The following REELD1 variants were observed in gnomAD, a reference collection of about 807,000 sequenced individuals.
The protein encoded by REELD1 is reeler domain containing 1.
REELD1 carries 12 observed loss-of-function variants against 6.3 expected under a neutral mutation model. The observed-to-expected ratio is 1.89, with a 90% CI of 1.21 to 3.07. REELD1 has a LOEUF of 3.07. Among genes scored for constraint, REELD1 ranks in the 30% most tolerant of loss-of-function variants. REELD1 has a pLI of 0.00. For missense variants in REELD1, 163 were observed against 86.8 expected, an observed-to-expected ratio of 1.88 and a Z score of -3.49; for synonymous variants, 57 against 33.6, an observed-to-expected ratio of 1.70 and a Z score of -2.42.
chr4:146,229,050 T>C lies in REELD1; in HGVS notation c.934T>C (p.Ser312Pro). ...AACTCAGGATGATCCCAGCTTTGATTCACTGGAAACTTGCCTGTCCTCAGA... is the reference window on the plus strand; with the variant it reads ...AACTCAGGATGATCCCAGCTTTGATCCACTGGAAACTTGCCTGTCCTCAGA... ...HRTQDDPSFD[S>P]LETCLSSDGG... Residue 312 changes from serine to proline, a missense_variant, in exon 7 of 8, where the codon TCA becomes CCA. Physicochemically the swap from Ser to Pro is moderately conservative, Grantham distance 74 (BLOSUM62 -1). Transcript: ENST00000623665. 1 of 702,370 alleles carries C rather than the reference T, an allele frequency of 1.4e-6. No homozygotes were observed. The highest frequency in any genetic ancestry group is 1.5e-5 in the South Asian group (1 of 67,552). The allele number at this position is 702,370 out of a possible 1,614,324, so 43.5% of individuals were successfully genotyped here.
intron 6 of REELD1, 45 bp downstream of exon 6, chr4:146,228,567 G>T: frequency 1.5e-6 from 1 of 665,972 alleles, no homozygotes; most frequent in East Asian, 2.7e-5. Context: ...ATGGGACTAG[G>T]ATGAACACTG....
chr4:146,216,285 T>C (rs991342675), intron 2 of REELD1, among the ~76,000 whole-genome samples: 1 of 152,350 alleles, frequency 6.6e-6, no homozygotes, highest in South Asian at 2.1e-4. Context: ...TTGTTATCAG[T>C]ATGTTTAAGA....
rs1731064858 is a variant in REELD1, at chr4:146,228,408, G to A, written c.794G>A (p.Gly265Glu). The change falls in exon 6 of 8, where the codon GGG (glycine) becomes GAG (glutamate). Residue 265 changes from glycine (G) to glutamate (E), a missense_variant. By Grantham distance (98) the Gly-to-Glu change is moderately conservative (BLOSUM62 -2). Coordinates refer to ENST00000623665, the MANE Select transcript of REELD1 (RefSeq NM_001354631.1). The stretch of plus-strand genomic sequence containing the variant: ...GGCAGCATCAACCAGCAACCCAGCG[G>A]GGACAGCAATCCCACCCTAGAGCCG... ...TEGSINQQPS[G>E]DSNPTLEPSL... The A allele has an allele frequency of 4.3e-6, 3 of 702,442 alleles. No individual in the cohort carries two copies. Among genetic ancestry groups the A allele is most frequent in the Non-Finnish European group, 7.8e-6 (3 of 385,008 alleles). 43.5% of individuals were successfully genotyped at this position (702,442 alleles called of 1,614,324 possible).
chr4:146,221,598 C>T (rs971738301), intron 3 of REELD1, among the ~76,000 whole-genome samples: 8 of 152,202 alleles, frequency 5.3e-5, no homozygotes, highest in Non-Finnish European at 1.0e-4. Flanking sequence ...CGGTGGCTCA[C>T]GCCTGTAATA....
chr4:146,225,345 A>C (rs558861300), intron 5 of REELD1, among the ~76,000 whole-genome samples: 3 of 152,194 alleles, frequency 2.0e-5, no homozygotes, highest in African/African-American at 4.8e-5. Context: ...CATGCACACA[A>C]GACCCTACCC....
chr4:146,225,629 C>T (rs1453786886), intron 5 of REELD1, among the ~76,000 whole-genome samples: 1 of 151,964 alleles, frequency 6.6e-6, no homozygotes, highest in Non-Finnish European at 1.5e-5. Flanking sequence ...GACCCTGCAC[C>T]CCTGACATAT....
In REELD1 at chr4:146,228,434, TC is replaced by T. The variant is rs1731066418; in HGVS notation, c.823del (p.Leu275TrpfsTer60). On this transcript the variant is annotated frameshift_variant, in exon 6 of 8. Transcript: ENST00000623665. LOFTEE classifies it high-confidence loss of function. Reference protein sequence around the residue: ...SGDSNPTLEPSLEVHRLERLV... With the variant: ...SGDSNPTLEPXLEVHRLERLV... Reference sequence around the variant, plus strand: ...GGACAGCAATCCCACCCTAGAGCCGTCCCTGGAGGTCCACAGGCTGGAGAGG... The same window carrying T: ...GGACAGCAATCCCACCCTAGAGCCGTCCTGGAGGTCCACAGGCTGGAGAGG... 3 of 702,318 alleles carry T rather than the reference TC, an allele frequency of 4.3e-6. No individual in the cohort carries two copies. 43.5% of individuals were successfully genotyped at this position (702,318 alleles called of 1,614,324 possible).
At position 146,216,965 on chromosome 4, in the gene REELD1, G is replaced by T; in HGVS notation, c.13G>T (p.Ala5Ser). 1 of 398,618 alleles carries T rather than the reference G, an allele frequency of 2.5e-6. No homozygotes were observed. Among genetic ancestry groups the T allele is most frequent in the Non-Finnish European group, 4.4e-6 (1 of 226,090 alleles). The allele number at this position is 398,618 out of a possible 1,614,324, so 24.7% of individuals were successfully genotyped here. The stretch of plus-strand genomic sequence containing the variant: ...AGGAGAGGGCAGGATGAGGATGCAG[G>T]CTGCCCTCGTGGGCTGGGCTTGTAC... MRMQ[A>S]ALVGWACTTL... The change falls in exon 3 of 8, where the codon GCT becomes TCT. Residue 5 changes from alanine to serine, a missense_variant. Ala to Ser is a moderately conservative substitution (Grantham distance 99). Transcript: ENST00000623665.
chr4:146,220,311 C>A (rs1031027790), intron 3 of REELD1, among the ~76,000 whole-genome samples: 5 of 152,138 alleles, frequency 3.3e-5, no homozygotes, highest in African/African-American at 1.2e-4. Flanking sequence ...ATTGATTTAA[C>A]CAGTTTCTTA....
chr4:146,219,865 CT>C (rs1042400020), intron 3 of REELD1, among the ~76,000 whole-genome samples: 1 of 152,042 alleles, frequency 6.6e-6, no homozygotes, highest in Non-Finnish European at 1.5e-5. Context: ...AATTAAATGT[CT>C]GTTTAATGTT....
Position 146,222,451 on chromosome 4 carries a change from T to A in REELD1, c.303T>A (p.Pro101=). ...TCGCTGGCACTTTCGTTCTCATTCCTCCTCATTCCAAACTGATGACTTGTT... is the reference window on the plus strand; with the variant it reads ...TCGCTGGCACTTTCGTTCTCATTCCACCTCATTCCAAACTGATGACTTGTT... The part of the protein sequence containing the change: ...HQIAGTFVLI[P]PHSKLMTCFQ... The change falls in exon 4 of 8, where the codon CCT becomes CCA. Residue 101 remains proline (P), a synonymous_variant. Coordinates refer to ENST00000623665, the MANE Select transcript of REELD1 (RefSeq NM_001354631.1). 1 of 398,618 alleles carries A rather than the reference T, an allele frequency of 2.5e-6. No homozygotes were observed. The highest frequency in any genetic ancestry group is 3.6e-5 in the East Asian group (1 of 28,078). 24.7% of individuals were successfully genotyped at this position (398,618 alleles called of 1,614,324 possible).
intron 3 of REELD1, among the ~76,000 whole-genome samples, chr4:146,218,194 C>A (rs1051875529): frequency 2.0e-5 from 3 of 152,204 alleles, no homozygotes; most frequent in African/African-American, 4.8e-5. Context: ...ACCTCTGAAT[C>A]ATCTCTCAGG....
intron 3 of REELD1, among the ~76,000 whole-genome samples, chr4:146,221,139 T>C (rs1322204642): frequency 6.6e-6 from 1 of 152,232 alleles, no homozygotes; most frequent in Admixed American, 6.5e-5. Context: ...TGTACAACCA[T>C]CATCACTATC....
chr4:146,220,336 C>CT (rs1730901356), intron 3 of REELD1, among the ~76,000 whole-genome samples: 1 of 152,232 alleles, frequency 6.6e-6, no homozygotes, highest in South Asian at 2.1e-4. Flanking sequence ...TGGGTATTTA[C>CT]TTTTTAAATT....
rs762326316 is a variant in REELD1 at position 146,217,113 on chromosome 4, C to T, written c.161C>T (p.Thr54Ile). The change falls in exon 3 of 8, where the codon ACC becomes ATC. Residue 54 changes from threonine to isoleucine, a missense_variant. Thr to Ile is a moderately conservative substitution (Grantham distance 89, BLOSUM62 -1). Coordinates refer to ENST00000623665, the MANE Select transcript of REELD1 (RefSeq NM_001354631.1). ...CAGCACCAGGACAGCCACCACATCACCATCCACACCCACAGGACTTCCTAT... is the reference window on the plus strand; with the variant it reads ...CAGCACCAGGACAGCCACCACATCATCATCCACACCCACAGGACTTCCTAT... Reference protein sequence around the residue: ...QPQHQDSHHITIHTHRTSYAP... With the variant: ...QPQHQDSHHIIIHTHRTSYAP... 8.7e-5 allele frequency: 35 copies of T among 400,008 alleles called. No homozygotes were observed. Among genetic ancestry groups the T allele is most frequent in the Middle Eastern group, 1.3e-3 (2 of 1,596 alleles). 24.8% of individuals were successfully genotyped at this position (400,008 alleles called of 1,614,324 possible). A position where few individuals can be genotyped will look rare whatever the true frequency, so the allele number is the denominator to read the frequency against.
rs1313658307 is a variant in REELD1 at position 146,224,593 on chromosome 4, G to A, written c.580G>A (p.Glu194Lys). 2 of 702,144 alleles carry A rather than the reference G, an allele frequency of 2.8e-6. No individual in the cohort carries two copies. Among genetic ancestry groups the A allele is most frequent in the African/African-American group, 3.5e-5 (2 of 57,272 alleles). The allele number at this position is 702,144 out of a possible 1,614,324, so 43.5% of individuals were successfully genotyped here. A position where few individuals can be genotyped will look rare whatever the true frequency, so the allele number is the denominator to read the frequency against. The change falls in exon 5 of 8, where the codon GAA becomes AAA. Residue 194 changes from glutamate to lysine, a missense_variant. Physicochemically the swap from Glu to Lys is moderately conservative, Grantham distance 56. Transcript: ENST00000623665. ...PNLHQRLGDV[E>K]GAAPAPRTPI... is the part of the protein sequence containing the mutation. Reference sequence around the variant, plus strand: ...CCTTCACCAGAGGCTGGGCGATGTTGAAGGAGCTGCTCCAGGTACAGCTTG... The same window carrying A: ...CCTTCACCAGAGGCTGGGCGATGTTAAAGGAGCTGCTCCAGGTACAGCTTG...
intron 5 of REELD1, among the ~76,000 whole-genome samples, chr4:146,225,469 A>G (rs745503171): frequency 6.6e-6 from 1 of 152,148 alleles, no homozygotes; most frequent in Non-Finnish European, 1.5e-5. Context: ...ACCCAGGTAC[A>G]GAGACAGTGG....
intron 4 of REELD1, among the ~76,000 whole-genome samples, chr4:146,223,854 T>A (rs1472134716): frequency 5.9e-5 from 9 of 152,268 alleles, no homozygotes; most frequent in Admixed American, 5.9e-4. Flanking sequence ...GCCTCCTGAA[T>A]ACTTAAAGTG....
chr4:146,224,475 C>T lies in REELD1; in HGVS notation c.462C>T (p.Tyr154=). 1.5e-6 allele frequency: 1 copy of T among 668,674 alleles called. No homozygotes were observed. The highest frequency in any genetic ancestry group is 1.6e-5 in the South Asian group (1 of 63,234). 41.4% of individuals were successfully genotyped at this position (668,674 alleles called of 1,614,324 possible). A position where few individuals can be genotyped will look rare whatever the true frequency, so the allele number is the denominator to read the frequency against. Residue 154 remains tyrosine, a synonymous_variant, in exon 5 of 8, where the codon TAC becomes TAT. Coordinates refer to ENST00000623665, the MANE Select transcript of REELD1 (RefSeq NM_001354631.1). ...LLSVVQSYFV[Y]WARIESSVVS... ...CAGTAGTCCAGTCATATTTTGTTTA[C>T]TGGGCAAGGATTGAATCATCTGTTG...
Sources: allele counts gnomAD v4.1 joint callset (sites outside exome capture counted in the v4.1 genomes callset), GRCh38; gene constraint gnomAD v4.1.1; transcripts MANE v1.5; gene names NCBI Gene and HGNC (gene_info 2026-07-23, HGNC 2026-07-21).